ZEB1: variants seen among roughly 807,000 people sequenced by gnomAD.
ZEB1 encodes zinc finger E-box-binding homeobox 1.
In ZEB1, 21 loss-of-function variants were observed where a neutral mutation model predicts 84.9. That is an observed-to-expected ratio of 0.25 (90% CI 0.18 to 0.36). The LOEUF is 0.36. Ranked by LOEUF, ZEB1 falls within the 10% of genes least tolerant of loss-of-function variation. The pLI, the probability that ZEB1 is intolerant of heterozygous loss-of-function variation, is 1.00. For synonymous variants in ZEB1, 420 were observed against 471.1 expected, an observed-to-expected ratio of 0.89 and a Z score of 1.41; for missense variants, 1,104 against 1,330.2, an observed-to-expected ratio of 0.83 and a Z score of 2.65.
intron 1 of ZEB1, among the ~76,000 whole-genome samples, chr10:31,456,613 A>G (rs2061268831): frequency 6.6e-6 from 1 of 152,148 alleles, no homozygotes; most frequent in Non-Finnish European, 1.5e-5. Context: ...GAGCCTTTGC[A>G]CATAATGAAG....
At chr10:31,398,006 T>G (rs187096462) in intron 1 of ZEB1, among the ~76,000 whole-genome samples, 1 of 152,320 alleles carries the variant, frequency 6.6e-6, no homozygotes, top group African/African-American at 2.4e-5. Context: ...GCTAATAGTT[T>G]CGCTTTCTAA....
chr10:31,428,508 T>C (rs1016246508), intron 1 of ZEB1, among the ~76,000 whole-genome samples: 11 of 152,232 alleles, frequency 7.2e-5, no homozygotes, highest in African/African-American at 7.2e-5. Flanking sequence ...GAAAGTGCCA[T>C]GTGGCAATGA....
intron 1 of ZEB1, among the ~76,000 whole-genome samples, chr10:31,348,994 C>G (rs2133812456): frequency 6.6e-6 from 1 of 152,170 alleles, no homozygotes; most frequent in South Asian, 2.1e-4. Flanking sequence ...TAACTGTAGG[C>G]CTATGATTTA....
chr10:31,505,136 C>T (rs935753006), intron 4 of ZEB1, among the ~76,000 whole-genome samples: 1 of 152,022 alleles, frequency 6.6e-6, no homozygotes, highest in African/African-American at 2.4e-5. Flanking sequence ...GGGATAAATC[C>T]CACTTGATCA....
intron 1 of ZEB1, among the ~76,000 whole-genome samples, chr10:31,373,858 G>C (rs1383150928): frequency 1.3e-5 from 2 of 151,628 alleles, no homozygotes; most frequent in African/African-American, 4.8e-5. Context: ...TACTCCCACT[G>C]AGAAAATAAT....
intron 4 of ZEB1, among the ~76,000 whole-genome samples, chr10:31,507,217 G>T (rs993539742): frequency 5.3e-5 from 8 of 152,086 alleles, no homozygotes; most frequent in Non-Finnish European, 8.8e-5. Flanking sequence ...TCGTATGGAG[G>T]TTCCCTTACA....
At chr10:31,466,017 A>T (rs1415683697) in intron 2 of ZEB1, among the ~76,000 whole-genome samples, 1 of 152,224 alleles carries the variant, frequency 6.6e-6, no homozygotes, top group Non-Finnish European at 1.5e-5. Flanking sequence ...TAAGTAAAAA[A>T]TTGTCACAAG....
intron 2 of ZEB1, among the ~76,000 whole-genome samples, chr10:31,472,384 C>T (rs1338088163): frequency 5.3e-5 from 8 of 152,014 alleles, no homozygotes; most frequent in Admixed American, 1.3e-4. Flanking sequence ...ATATCACCAC[C>T]GATCCCACAG....
At chr10:31,364,522 C>T (rs2044078626) in intron 1 of ZEB1, among the ~76,000 whole-genome samples, 1 of 152,196 alleles carries the variant, frequency 6.6e-6, no homozygotes, top group Non-Finnish European at 1.5e-5. Flanking sequence ...GGGGCCTCTC[C>T]AGTGCCTCTG....
In ZEB1 at chr10:31,495,871, C is replaced by T. The variant is rs80036666; in HGVS notation, c.322+33C>T. The T allele has an allele frequency of 1.0e-3, 1,689 of 1,610,402 alleles. 23 individuals carry two copies. In the African/African-American group the frequency reaches 0.02, roughly 19 times the overall value. ...GCTGCGACTTTCTTTCATACCATAG[C>T]CTTTAAAAGAAGGTCTTTGTGTCAC... On this transcript the variant is annotated intron_variant, in intron 3 of 8. Transcript: ENST00000424869.
chr10:31,469,039 A>G (rs1043577571), intron 2 of ZEB1, among the ~76,000 whole-genome samples: 3 of 152,240 alleles, frequency 2.0e-5, no homozygotes, highest in Non-Finnish European at 2.9e-5. Context: ...AAACAATCTA[A>G]GAGATGAAAG....
intron 1 of ZEB1, among the ~76,000 whole-genome samples, chr10:31,401,153 A>G (rs924357957): frequency 1.3e-5 from 2 of 152,234 alleles, no homozygotes; most frequent in South Asian, 2.1e-4. Flanking sequence ...ATTGGGCAAT[A>G]AAAATCATAG....
upstream of ZEB1, chr10:31,318,960 C>A: frequency 1.9e-6 from 1 of 521,116 alleles, no homozygotes; most frequent in Non-Finnish European, 3.5e-6. Context: ...GCATCCGCCT[C>A]CCTCTCCCCA....
chr10:31,468,124 G>T (rs1167155174), intron 2 of ZEB1, among the ~76,000 whole-genome samples: 1 of 151,794 alleles, frequency 6.6e-6, no homozygotes, highest in Non-Finnish European at 1.5e-5. Context: ...CCTGAGAACT[G>T]CCCCTACAGC....
intron 2 of ZEB1, among the ~76,000 whole-genome samples, chr10:31,482,750 A>C (rs1591744393): frequency 1.3e-5 from 2 of 152,154 alleles, no homozygotes; most frequent in South Asian, 2.1e-4. Flanking sequence ...AGTATGTATT[A>C]CCTGAAAAAA....
At chr10:31,445,223 T>G (rs1387337151) in intron 1 of ZEB1, among the ~76,000 whole-genome samples, 4 of 148,438 alleles carry the variant, frequency 2.7e-5, no homozygotes, top group Non-Finnish European at 4.4e-5. Flanking sequence ...GTTTGTCTGT[T>G]GTTGGTGTAT....
At chr10:31,523,188 A>G (rs1206598038) in intron 7 of ZEB1, among the ~76,000 whole-genome samples, 2 of 152,234 alleles carry the variant, frequency 1.3e-5, no homozygotes, top group African/African-American at 4.8e-5. Context: ...TAAGGTAGGA[A>G]GATCTTAGGG....
At chr10:31,343,581 CTT>C (rs1469006250) in intron 1 of ZEB1, among the ~76,000 whole-genome samples, 1 of 151,766 alleles carries the variant, frequency 6.6e-6, no homozygotes, top group Non-Finnish European at 1.5e-5. Flanking sequence ...GTGTGTATGT[CTT>C]TCACAGAAAT....
intron 2 of ZEB1, among the ~76,000 whole-genome samples, chr10:31,486,218 G>A (rs2065744291): frequency 6.6e-6 from 1 of 151,706 alleles, no homozygotes; most frequent in Non-Finnish European, 1.5e-5. Context: ...GGGGGGTGAA[G>A]TTAAGTTTTC....
Sources: gnomAD v4.1 joint callset for allele counts (sites outside exome capture counted in the v4.1 genomes callset) on GRCh38, gnomAD v4.1.1 for gene constraint, MANE v1.5 for transcripts, NCBI Gene and HGNC (gene_info 2026-07-23, HGNC 2026-07-21) for gene names.